PHKB: variants seen among roughly 807,000 people sequenced by gnomAD.
PHKB encodes phosphorylase kinase regulatory subunit beta.
In PHKB, 122 loss-of-function variants were observed where a neutral mutation model predicts 152.1. That is an observed-to-expected ratio of 0.80 (90% CI 0.69 to 0.93). The LOEUF (loss-of-function observed/expected upper bound fraction) is 0.93, where lower values mean the gene tolerates loss of function less well. Ranked by LOEUF, PHKB falls within the 40% of genes least tolerant of loss-of-function variation. The pLI is 0.00. For missense variants in PHKB, 1,304 were observed against 1,328.4 expected (o/e 0.98, Z 0.29); for synonymous variants, 436 against 464.9 (o/e 0.94, Z 0.80).
chr16:47,652,314 A>G (rs927825191), intron 20 of PHKB, among the ~76,000 whole-genome samples: 10 of 150,270 alleles, frequency 6.7e-5, no homozygotes, highest in African/African-American at 2.2e-4. Context: ...CGGTCCCATC[A>G]TCTAGGTTCT....
intron 14 of PHKB, among the ~76,000 whole-genome samples, chr16:47,637,758 G>C (rs764343792): frequency 2.0e-5 from 3 of 152,138 alleles, no homozygotes; most frequent in Non-Finnish European, 4.4e-5. Flanking sequence ...ATGGGTAGTA[G>C]CTAAGTGTCT....
chr16:47,527,996 C>T (rs544445410), intron 6 of PHKB, among the ~76,000 whole-genome samples: 6 of 152,142 alleles, frequency 3.9e-5, no homozygotes, highest in African/African-American at 9.7e-5. Context: ...TTAAGCCACA[C>T]GGACTATGGT....
At chr16:47,587,939 A>G (rs1451901537) in intron 9 of PHKB, among the ~76,000 whole-genome samples, 176 bp downstream of exon 9, 1 of 152,186 alleles carries the variant, frequency 6.6e-6, no homozygotes, top group Non-Finnish European at 1.5e-5. Context: ...TAGCAAGTGG[A>G]CAAGAGTTGT....
In PHKB at chr16:47,610,159, ATTTTTTT is replaced by A. The variant is rs371224839; in HGVS notation, c.1364-650_1364-644del. ...AGGCACACACAACCATGCCCAGCTA[ATTTTTTT>A]TTTTTTTTTTTTTTTTGTATTTTTA... On this transcript the variant is annotated intron_variant, in intron 13 of 30. Coordinates refer to ENST00000323584, the MANE Select transcript of PHKB (RefSeq NM_000293.3). Among the ~76,000 whole-genome samples, 17 of 99,430 alleles carry A rather than the reference ATTTTTTT, an allele frequency of 1.7e-4. No homozygotes were observed. In the East Asian group the frequency reaches 2.5e-3, roughly 15 times the overall value. 65.2% of individuals were successfully genotyped at this position (99,430 alleles called of 152,430 possible). A position where few individuals can be genotyped will look rare whatever the true frequency, so the allele number is the denominator to read the frequency against.
chr16:47,660,131 G>A (rs577568644), intron 20 of PHKB, among the ~76,000 whole-genome samples: 1 of 152,060 alleles, frequency 6.6e-6, no homozygotes, highest in Admixed American at 6.6e-5. Flanking sequence ...CAAAGTGCTG[G>A]GATTACGGGC....
intron 26 of PHKB, among the ~76,000 whole-genome samples, chr16:47,685,165 G>A (rs146709480): frequency 1.3e-5 from 2 of 151,890 alleles, no homozygotes; most frequent in Non-Finnish European, 2.9e-5. Context: ...AGTGGCTTAC[G>A]CCTGTAATCC....
intron 4 of PHKB, among the ~76,000 whole-genome samples, chr16:47,507,693 G>T (rs1038251139): frequency 1.3e-5 from 2 of 152,004 alleles, no homozygotes; most frequent in Non-Finnish European, 1.5e-5. Context: ...AATTACAAGG[G>T]ATTATTATTT....
At chr16:47,520,656 T>A (rs897283125) in intron 6 of PHKB, among the ~76,000 whole-genome samples, 1 of 152,248 alleles carries the variant, frequency 6.6e-6, no homozygotes, top group African/African-American at 2.4e-5. Context: ...TGTTTCTATT[T>A]GGTCATGCAT....
At chr16:47,638,009 C>G (rs1972951586) in intron 14 of PHKB, among the ~76,000 whole-genome samples, 1 of 151,974 alleles carries the variant, frequency 6.6e-6, no homozygotes, top group African/African-American at 2.4e-5. Context: ...AGGGTTCCGC[C>G]CTCATGACCT....
chr16:47,539,462 C>T lies in PHKB; in HGVS notation c.595-7971C>T, dbSNP rs554460013. 3.3e-5 allele frequency among the ~76,000 whole-genome samples: 5 copies of T among 151,682 alleles called. No homozygotes were observed. The South Asian group carries it at 8.3e-4, about 25-fold the overall frequency. On this transcript the variant is annotated intron_variant, in intron 6 of 30. Transcript: ENST00000323584. ...TCTAGTATAAAAACAATGTTTTATA[C>T]TTGTCTTAGTGCTTAAGATGTATAG...
chr16:47,699,460 A>T lies in PHKB; in HGVS notation c.*94A>T, dbSNP rs1974211673. ...AATCAAGGCAGCCATTAATATACGA[A>T]CTGAGCATGCTGGGGAGGTGAATGC... On this transcript the variant is annotated 3_prime_UTR_variant, in exon 31 of 31. Transcript: ENST00000323584. 7.0e-7 allele frequency: 1 copy of T among 1,424,834 alleles called. No individual in the cohort carries two copies. The highest frequency in any genetic ancestry group is 1.8e-4 in the Middle Eastern group (1 of 5,698). 88.3% of individuals were successfully genotyped at this position (1,424,834 alleles called of 1,614,324 possible).
chr16:47,565,764 T>A, intron 7 of PHKB: 1 of 1,505,232 alleles, frequency 6.6e-7, no homozygotes, highest in Non-Finnish European at 9.2e-7. Context: ...CTTCTCTTGT[T>A]CCTTCTGTAG....
At chr16:47,649,374 A>G (rs1296154485) in intron 18 of PHKB, among the ~76,000 whole-genome samples, 170 bp downstream of exon 18, 1 of 152,172 alleles carries the variant, frequency 6.6e-6, no homozygotes, top group African/African-American at 2.4e-5. Context: ...TACTTGCAGC[A>G]TTGGCATAAT....
intron 16 of PHKB, among the ~76,000 whole-genome samples, chr16:47,643,044 C>T (rs1246112642): frequency 1.3e-5 from 2 of 152,168 alleles, no homozygotes. Context: ...AAAGCTTATT[C>T]TTTGATAAAC....
At chr16:47,566,196 C>A (rs1971563244) in intron 7 of PHKB, 1 of 720,504 alleles carries the variant, frequency 1.4e-6, no homozygotes. Flanking sequence ...ATACTCATCA[C>A]AATACCAATC....
intron 14 of PHKB, among the ~76,000 whole-genome samples, chr16:47,611,311 A>G (rs1320200718): frequency 1.3e-5 from 2 of 152,200 alleles, no homozygotes; most frequent in Non-Finnish European, 2.9e-5. Flanking sequence ...CAGTTGTTAC[A>G]GCAACAGTGA....
chr16:47,489,439 T>C (rs1395265125), intron 1 of PHKB, among the ~76,000 whole-genome samples: 1 of 152,260 alleles, frequency 6.6e-6, no homozygotes, highest in Non-Finnish European at 1.5e-5. Context: ...GACTTTAGTC[T>C]TATACTTATC....
In PHKB at chr16:47,699,653, G is replaced by T. The variant is rs1174342219; in HGVS notation, c.*287G>T. 4.6e-6 allele frequency: 2 copies of T among 438,364 alleles called. No homozygotes were observed. The highest frequency in any genetic ancestry group is 4.6e-5 in the East Asian group (1 of 21,626). 27.2% of individuals were successfully genotyped at this position (438,364 alleles called of 1,614,324 possible). ...ATGAATTGAAAATTTGCCGCTGCAT[G>T]TTGTATGATCAAATAGTTCATCAAA... On this transcript the variant is annotated 3_prime_UTR_variant, in exon 31 of 31. Coordinates refer to ENST00000323584, the MANE Select transcript of PHKB (RefSeq NM_000293.3).
chr16:47,530,348 A>G (rs1173300236), intron 6 of PHKB, among the ~76,000 whole-genome samples: 2 of 151,854 alleles, frequency 1.3e-5, no homozygotes, highest in Non-Finnish European at 2.9e-5. Context: ...CCCAGTAGAG[A>G]TGGGTTTTGC....
Sources: gnomAD v4.1 joint callset for allele counts (sites outside exome capture counted in the v4.1 genomes callset) on GRCh38, gnomAD v4.1.1 for gene constraint, MANE v1.5 for transcripts, NCBI Gene and HGNC (gene_info 2026-07-23, HGNC 2026-07-21) for gene names.